The following SLC39A14 variants were observed in gnomAD, a reference collection of about 807,000 sequenced individuals.
SLC39A14 encodes solute carrier family 39 member 14.
In SLC39A14, 19 loss-of-function variants were observed where a neutral mutation model predicts 45.5. That is an observed-to-expected ratio of 0.42 (90% CI 0.29 to 0.61). The LOEUF (loss-of-function observed/expected upper bound fraction) is 0.61, where lower values mean the gene tolerates loss of function less well. Ranked by LOEUF, SLC39A14 falls within the 20% of genes least tolerant of loss-of-function variation. The probability of loss-of-function intolerance (pLI) is 0.22; values close to 1 mark genes in which losing one functional copy is unlikely to be tolerated. For missense variants in SLC39A14, 447 were observed against 616.5 expected (o/e 0.73, Z 2.91); for synonymous variants, 264 against 251.3 (o/e 1.05, Z -0.48).
intron 1 of SLC39A14, among the ~76,000 whole-genome samples, chr8:22,376,661 C>G (rs936615659): frequency 1.3e-5 from 2 of 152,014 alleles, no homozygotes; most frequent in African/African-American, 2.4e-5. Context: ...AGGCAAAGGC[C>G]GACGTCGGGA....
At chr8:22,407,280 G>C (rs1835279058) in intron 2 of SLC39A14, among the ~76,000 whole-genome samples, 1 of 152,192 alleles carries the variant, frequency 6.6e-6, no homozygotes, top group Admixed American at 6.5e-5. Context: ...TAACATAATA[G>C]CTCCCTGGGC....
At chr8:22,373,526 CAA>C (rs780537110) in intron 1 of SLC39A14, among the ~76,000 whole-genome samples, 45 of 152,052 alleles carry the variant, frequency 3.0e-4, no homozygotes, top group Admixed American at 5.9e-4. Context: ...AGAAATTTCT[CAA>C]AGACTCAAGA....
intron 1 of SLC39A14, chr8:22,398,170 C>T (rs1228666145): frequency 6.6e-6 from 1 of 152,250 alleles, no homozygotes; most frequent in Non-Finnish European, 1.5e-5. Flanking sequence ...ACTCCCTCAC[C>T]CACCCCTGCA....
intron 1 of SLC39A14, among the ~76,000 whole-genome samples, chr8:22,403,269 C>G (rs1173733725): frequency 6.9e-6 from 1 of 143,966 alleles, no homozygotes; most frequent in African/African-American, 2.5e-5. Flanking sequence ...AGCCACTGCG[C>G]CCGGCCTATT....
intron 1 of SLC39A14, among the ~76,000 whole-genome samples, chr8:22,379,971 C>G (rs1234187529): frequency 1.4e-5 from 2 of 145,044 alleles, no homozygotes; most frequent in Non-Finnish European, 3.1e-5. Flanking sequence ...ACAACACTAA[C>G]AATATAATGG....
chr8:22,369,197 C>T (rs1291566431), intron 1 of SLC39A14, among the ~76,000 whole-genome samples: 6 of 152,138 alleles, frequency 3.9e-5, no homozygotes, highest in African/African-American at 1.2e-4. Flanking sequence ...GATACTGTCT[C>T]TTCCCAAAGG....
chr8:22,418,297 G>C (rs369347203), intron 8 of SLC39A14, among the ~76,000 whole-genome samples: 5 of 152,260 alleles, frequency 3.3e-5, no homozygotes, highest in African/African-American at 1.2e-4. Context: ...CGGTTTTTAA[G>C]GGGGCATTAG....
chr8:22,414,724 A>T, intron 4 of SLC39A14, 56 bp from the exon 5 acceptor site: 2 of 1,553,820 alleles, frequency 1.3e-6, no homozygotes, highest in Admixed American at 4.1e-5. Flanking sequence ...TAAGAGGGGG[A>T]TCAGTAAAGA....
chr8:22,422,130 G>A lies in SLC39A14; in HGVS notation c.*2432G>A. 1.0e-6 allele frequency: 1 copy of A among 985,446 alleles called. No homozygotes were observed. The highest frequency in any genetic ancestry group is 1.2e-6 in the Non-Finnish European group (1 of 829,942). 61.0% of individuals were successfully genotyped at this position (985,446 alleles called of 1,614,324 possible). A position where few individuals can be genotyped will look rare whatever the true frequency, so the allele number is the denominator to read the frequency against. ...GCATTTGTACATATTAGAAGTCTAA[G>A]GAGTAGCAAGTCAGTGGGAGGACTT... On this transcript the variant is annotated 3_prime_UTR_variant, in exon 9 of 9. Coordinates refer to ENST00000381237, the MANE Select transcript of SLC39A14 (RefSeq NM_001128431.4).
downstream of SLC39A14, among the ~76,000 whole-genome samples, chr8:22,427,446 C>T (rs898686047): frequency 6.6e-6 from 1 of 151,494 alleles, no homozygotes; most frequent in Non-Finnish European, 1.5e-5. Flanking sequence ...ACAACTAATT[C>T]AATAAAGGGA....
chr8:22,368,196 A>G (rs1457881735), intron 1 of SLC39A14, among the ~76,000 whole-genome samples: 1 of 152,142 alleles, frequency 6.6e-6, no homozygotes, highest in Non-Finnish European at 1.5e-5. Flanking sequence ...GGGAGTGGCT[A>G]AGTGCTCTCT....
At chr8:22,376,177 T>C (rs1236429812) in intron 1 of SLC39A14, among the ~76,000 whole-genome samples, 1 of 152,066 alleles carries the variant, frequency 6.6e-6, no homozygotes. Flanking sequence ...TTTTTTGTTG[T>C]TGTTGTTAAT....
chr8:22,393,235 A>T lies in SLC39A14; in HGVS notation c.-15-11461A>T, dbSNP rs533914456. The stretch of plus-strand genomic sequence containing the variant: ...GGAAGATAATGCATCCTTTCAGGGT[A>T]TGGAGGAGAGCAGTAGGTGGGAGGG... On this transcript the variant is annotated intron_variant, in intron 1 of 8. Coordinates refer to ENST00000381237, the MANE Select transcript of SLC39A14 (RefSeq NM_001128431.4). 2.5e-5 allele frequency: 25 copies of T among 985,764 alleles called. No individual in the cohort carries two copies. In the African/African-American group the frequency reaches 4.4e-4, roughly 17 times the overall value. 61.1% of individuals were successfully genotyped at this position (985,764 alleles called of 1,614,324 possible).
intron 1 of SLC39A14, among the ~76,000 whole-genome samples, chr8:22,387,772 G>C (rs1156446259): frequency 1.3e-5 from 2 of 152,188 alleles, no homozygotes; most frequent in African/African-American, 4.8e-5. Context: ...GGTTCCTCCT[G>C]CTTCCTTTGT....
rs1004637086 is a variant in SLC39A14 at position 22,419,846 on chromosome 8, G to A, written c.*148G>A. The A allele has an allele frequency of 2.9e-6, 4 of 1,367,450 alleles. No individual in the cohort carries two copies. The highest frequency in any genetic ancestry group is 2.7e-5 in the East Asian group (1 of 37,482). 84.7% of individuals were successfully genotyped at this position (1,367,450 alleles called of 1,614,324 possible). ...GTATTCCTGCATTCAAATGTCAGCC[G>A]TTTGTAAAATGCTGTATCCTAGGAA... is the stretch of plus-strand genomic sequence containing the variant. On this transcript the variant is annotated 3_prime_UTR_variant, in exon 9 of 9. Transcript: ENST00000381237.
chr8:22,394,346 T>A (rs1442719395), intron 1 of SLC39A14, among the ~76,000 whole-genome samples: 1 of 140,658 alleles, frequency 7.1e-6, no homozygotes, highest in Non-Finnish European at 1.5e-5. Flanking sequence ...TTTTTTTGAG[T>A]TGGAATCTCG....
Position 22,415,585 on chromosome 8 carries a change from C to T in SLC39A14, c.751-184C>T, listed in dbSNP as rs967592244. The T allele has an allele frequency of 3.0e-5, 17 of 565,830 alleles. 1 individual carries two copies. Among genetic ancestry groups the T allele is most frequent in the South Asian group, 2.2e-4 (9 of 41,590 alleles). 35.1% of individuals were successfully genotyped at this position (565,830 alleles called of 1,614,324 possible). A position where few individuals can be genotyped will look rare whatever the true frequency, so the allele number is the denominator to read the frequency against. On this transcript the variant is annotated intron_variant, in intron 5 of 8. Transcript: ENST00000381237. ...TGCTGGGATTACAGGTGTGAGCCAC[C>T]GTGCCCGACCATGGCTTTATATAAT...
chr8:22,397,551 C>CTGGGCGAAAGAG, intron 1 of SLC39A14, among the ~76,000 whole-genome samples: 1 of 152,044 alleles, frequency 6.6e-6, no homozygotes, highest in African/African-American at 2.4e-5. Context: ...GCACTCCGGC[C>CTGGGCGAAAGAG]TGGGCGAAAG....
intron 1 of SLC39A14, among the ~76,000 whole-genome samples, chr8:22,391,384 C>T (rs904194781): frequency 6.6e-6 from 1 of 152,038 alleles, no homozygotes; most frequent in Non-Finnish European, 1.5e-5. Flanking sequence ...TTTTTAAAGC[C>T]AGCAGGTAAT....
Sources: allele counts gnomAD v4.1 joint callset (sites outside exome capture counted in the v4.1 genomes callset), GRCh38; gene constraint gnomAD v4.1.1; transcripts MANE v1.5; gene names NCBI Gene and HGNC (gene_info 2026-07-23, HGNC 2026-07-21).